Variants in METTL21A observed in about 807,000 individuals in gnomAD.
The protein encoded by METTL21A is methyltransferase 21A, HSPA lysine.
A neutral mutation model predicts 20.9 loss-of-function variants in METTL21A; 22 were observed. The ratio of observed to expected loss-of-function variants is 1.05; its 90% CI spans 0.75 to 1.50. The LOEUF is 1.50. METTL21A is among the 40% of genes most tolerant of loss of function. The pLI is 0.00. For missense variants in METTL21A, 271 were observed against 266.8 expected (o/e 1.02, Z -0.11); for synonymous variants, 93 against 102.0 (o/e 0.91, Z 0.53).
At chr2:207,606,169 T>G (rs2088062590), downstream of METTL21A, among the ~76,000 whole-genome samples, 1 of 152,200 alleles carries the variant, frequency 6.6e-6, no homozygotes, top group African/African-American at 2.4e-5. Context: ...AGCAGAAAGC[T>G]AACAATTAAA....
intron 2 of METTL21A, 111 bp downstream of exon 2, chr2:207,624,118 A>G (rs1057490291): frequency 2.0e-5 from 26 of 1,285,812 alleles, no homozygotes; most frequent in African/African-American, 4.5e-5. Context: ...AAATAGGTAA[A>G]GTGTATGCTA....
At chr2:207,623,265 G>A (rs1035403503) in intron 2 of METTL21A, among the ~76,000 whole-genome samples, 3 of 152,062 alleles carry the variant, frequency 2.0e-5, no homozygotes, top group African/African-American at 7.2e-5. Flanking sequence ...TCCTAGAAGT[G>A]GTATTACTAC....
chr2:207,596,895 C>T (rs753151648), intron 3 of METTL21A: 22 of 1,587,326 alleles, frequency 1.4e-5, no homozygotes, highest in African/African-American at 2.7e-5. Context: ...TAATTTTTCC[C>T]GTCCTCTTTT....
chr2:207,618,614 A>G (rs2107195074), intron 3 of METTL21A, among the ~76,000 whole-genome samples: 1 of 152,222 alleles, frequency 6.6e-6, no homozygotes, highest in African/African-American at 2.4e-5. Context: ...GAGGCAGGAG[A>G]ATCGCTAGAA....
chr2:207,613,401 A>C (rs1161110698), exon 4 of METTL21A: 5 of 1,605,970 alleles, frequency 3.1e-6, no homozygotes, highest in Non-Finnish European at 4.2e-6. Flanking sequence ...TGATTTAAGA[A>C]ATTCTAATGC....
intron 3 of METTL21A, among the ~76,000 whole-genome samples, chr2:207,617,458 AAG>A (rs1184621648): frequency 2.6e-5 from 4 of 152,242 alleles, no homozygotes; most frequent in African/African-American, 9.6e-5. Flanking sequence ...AAAAGGTGTG[AAG>A]AAAGGGCATC....
Position 207,586,037 on chromosome 2 carries a change from T to G in METTL21A, c.260-3877A>C, listed in dbSNP as rs1221745239. ...GAAGGTCATATGTACTAAAACAGTT[T>G]ATCCAAAAAGGCCTTTCTAAGACAC... is the stretch of plus-strand genomic sequence containing the variant. On this transcript the variant is annotated intron_variant, in intron 3 of 3. Coordinates refer to the METTL21A transcript ENST00000425132. 7.9e-5 allele frequency among the ~76,000 whole-genome samples: 12 copies of G among 152,110 alleles called. No individual in the cohort carries two copies. The East Asian group carries it at 2.3e-3, about 29-fold the overall frequency.
chr2:207,624,219 GCTTA>G lies in METTL21A; in HGVS notation c.147+6_147+9del. ...TGAACGTTTTCAGAGGTCCCCCAGG[GCTTA>G]CTTACCGCATCCCAAACCACCGCTG... On this transcript the variant is annotated splice_donor_region_variant and intron_variant, in intron 2 of 3. Coordinates refer to ENST00000406927, the Ensembl canonical transcript of METTL21A. 6.3e-7 allele frequency: 1 copy of G among 1,593,862 alleles called. No homozygotes were observed. The highest frequency in any genetic ancestry group is 1.4e-5 in the African/African-American group (1 of 73,868).
intron 3 of METTL21A, among the ~76,000 whole-genome samples, chr2:207,585,523 C>T (rs1158086341): frequency 6.6e-6 from 1 of 152,176 alleles, no homozygotes; most frequent in East Asian, 1.9e-4. Context: ...ACATAAAATA[C>T]TGAGGAAACA....
intron 3 of METTL21A, among the ~76,000 whole-genome samples, chr2:207,619,991 A>G (rs1343675929): frequency 6.6e-6 from 1 of 152,244 alleles, no homozygotes; most frequent in Non-Finnish European, 1.5e-5. Flanking sequence ...GTCAAAACCA[A>G]GTATAACTAA....
intron 3 of METTL21A, among the ~76,000 whole-genome samples, chr2:207,584,613 G>A (rs993377952): frequency 6.6e-6 from 1 of 152,120 alleles, no homozygotes; most frequent in African/African-American, 2.4e-5. Context: ...TGTTGGCCAG[G>A]CTGGTTTTGA....
intron 3 of METTL21A, among the ~76,000 whole-genome samples, chr2:207,603,669 T>A (rs897987237): frequency 7.9e-5 from 12 of 152,184 alleles, no homozygotes; most frequent in Non-Finnish European, 1.5e-4. Flanking sequence ...GAGATGTTAC[T>A]GTCAAGATGA....
At chr2:207,582,181 GAAATTT>G in intron 3 of METTL21A, 2 of 702,870 alleles carry the variant, frequency 2.8e-6, no homozygotes, top group South Asian at 3.0e-5. Flanking sequence ...GAATATGAAA[GAAATTT>G]GTGGTCATAT....
chr2:207,615,772 T>G (rs1376683550), intron 3 of METTL21A: 2 of 152,210 alleles, frequency 1.3e-5, no homozygotes, highest in East Asian at 3.8e-4. Flanking sequence ...TATTTTCACT[T>G]ACATTACTGT....
rs2083329146 is a variant in METTL21A at position 207,583,688 on chromosome 2, TACA to T, written c.260-1531_260-1529del. On this transcript the variant is annotated intron_variant, in intron 3 of 3. Transcript: ENST00000425132. The stretch of plus-strand genomic sequence containing the variant: ...AAGTTTTTATCCTTAAATTTGCATA[TACA>T]TAAGTTCACTCTTTGTGCTGTATAG... 9.8e-5 allele frequency among the ~76,000 whole-genome samples: 15 copies of T among 152,358 alleles called. No homozygotes were observed. In the South Asian group the frequency reaches 3.1e-3, roughly 32 times the overall value.
chr2:207,588,336 AAATT>A (rs1162189751), intron 3 of METTL21A, among the ~76,000 whole-genome samples: 1 of 152,034 alleles, frequency 6.6e-6, no homozygotes, highest in East Asian at 1.9e-4. Flanking sequence ...TTTTTTTCAA[AAATT>A]AATTGACCAT....
At chr2:207,613,209 T>C in exon 4 of METTL21A, 2 of 1,614,016 alleles carry the variant, frequency 1.2e-6, no homozygotes, top group Non-Finnish European at 1.7e-6. Flanking sequence ...CACAGAGTGA[T>C]TGCTACAGAG....
At chr2:207,588,022 A>G (rs886642837) in intron 3 of METTL21A, among the ~76,000 whole-genome samples, 3 of 152,246 alleles carry the variant, frequency 2.0e-5, no homozygotes. Context: ...ATCATTACAT[A>G]CTGTATACAC....
intron 3 of METTL21A, among the ~76,000 whole-genome samples, chr2:207,617,836 T>A (rs1022456918): frequency 6.6e-6 from 1 of 151,456 alleles, no homozygotes. Context: ...ATCCAGGAAA[T>A]AGTTAAAAGA....
Sources: gnomAD v4.1 joint callset for allele counts (sites outside exome capture counted in the v4.1 genomes callset) on GRCh38, gnomAD v4.1.1 for gene constraint, MANE v1.5 for transcripts, NCBI Gene and HGNC (gene_info 2026-07-23, HGNC 2026-07-21) for gene names.